Variants in DNAH7 observed in about 807,000 individuals in gnomAD.
The protein encoded by DNAH7 is axonemal beta dynein heavy chain 7.
Under a neutral mutation model 444.6 loss-of-function variants are expected in DNAH7, and 397 were observed. The observed-to-expected ratio is 0.89, with a 90% CI of 0.82 to 0.97. DNAH7 has a LOEUF of 0.97. Ranked by LOEUF, DNAH7 falls within the 50% of genes least tolerant of loss-of-function variation. DNAH7 has a pLI of 0.00. For missense variants in DNAH7, 4,902 were observed against 4,800.8 expected (o/e 1.02, Z -0.62); for synonymous variants, 1,636 against 1,624.4 (o/e 1.01, Z -0.17).
At position 195,942,754 on chromosome 2, in the gene DNAH7, T is replaced by C. The variant is rs368426749; in HGVS notation, c.3079-5962A>G. Among the ~76,000 whole-genome samples the C allele has an allele frequency of 1.1e-3, 160 of 152,222 alleles. 1 individual carries two copies. Among genetic ancestry groups the C allele is most frequent in the Middle Eastern group, 6.8e-3 (2 of 294 alleles). ...GATTACATGGTTAATTGGTGAGACA[T>C]GTCACTTCTATTTTTACTCTTTAAT... On this transcript the variant is annotated intron_variant, in intron 19 of 64. Transcript: ENST00000312428.
At chr2:196,028,920 C>A (rs1246060734) in intron 5 of DNAH7, among the ~76,000 whole-genome samples, 1 of 152,110 alleles carries the variant, frequency 6.6e-6, no homozygotes, top group Non-Finnish European at 1.5e-5. Flanking sequence ...TTTTGCAAAT[C>A]CAGGAATGCA....
At chr2:195,820,985 T>C (rs1291761237) in intron 49 of DNAH7, among the ~76,000 whole-genome samples, 1 of 152,196 alleles carries the variant, frequency 6.6e-6, no homozygotes, top group Non-Finnish European at 1.5e-5. Context: ...TAGAAAAAGA[T>C]GTTGTCTGCA....
chr2:195,867,036 G>C (rs753430307), intron 40 of DNAH7, among the ~76,000 whole-genome samples: 1 of 152,036 alleles, frequency 6.6e-6, no homozygotes, highest in Non-Finnish European at 1.5e-5. Context: ...ATGTGGAACT[G>C]TAAGTCCAAT....
chr2:195,994,663 C>T (rs995851661), intron 12 of DNAH7: 2 of 512,982 alleles, frequency 3.9e-6, no homozygotes, highest in African/African-American at 2.0e-5. Context: ...GAGTAAAGTG[C>T]TTCAAGTCTT....
intron 46 of DNAH7, among the ~76,000 whole-genome samples, chr2:195,847,319 G>C (rs1385037792): frequency 6.6e-6 from 1 of 151,560 alleles, no homozygotes. Context: ...CCATAAAAAA[G>C]AGTAAGATCA....
chr2:195,877,200 C>G (rs972020758), intron 36 of DNAH7, among the ~76,000 whole-genome samples: 1 of 152,166 alleles, frequency 6.6e-6, no homozygotes, highest in African/African-American at 2.4e-5. Context: ...ACAGGACATA[C>G]CAGAATTCCC....
Position 196,048,276 on chromosome 2 carries a change from T to C in DNAH7, c.250+20A>G. Reference sequence around the variant, plus strand: ...CTACAAATTATCCTTAAATCTAATTTAGAATATTGAAGTTCTTACCATGGG... The same window carrying C: ...CTACAAATTATCCTTAAATCTAATTCAGAATATTGAAGTTCTTACCATGGG... On this transcript the variant is annotated intron_variant, in intron 4 of 64. Transcript: ENST00000312428. 1 of 1,570,322 alleles carries C rather than the reference T, an allele frequency of 6.4e-7. No homozygotes were observed. Among genetic ancestry groups the C allele is most frequent in the Non-Finnish European group, 8.7e-7 (1 of 1,145,322 alleles).
At chr2:195,890,790 G>C (rs561869047) in intron 31 of DNAH7, among the ~76,000 whole-genome samples, 1 of 152,244 alleles carries the variant, frequency 6.6e-6, no homozygotes, top group South Asian at 2.1e-4. Context: ...GAGATTTCAC[G>C]TTTTATCCAT....
chr2:195,860,342 T>G (rs1262539035), intron 42 of DNAH7, among the ~76,000 whole-genome samples: 1 of 152,064 alleles, frequency 6.6e-6, no homozygotes, highest in Non-Finnish European at 1.5e-5. Flanking sequence ...TTGATCCTCC[T>G]GGATAAGAAA....
At chr2:195,861,234 G>A (rs866494027) in intron 42 of DNAH7, among the ~76,000 whole-genome samples, 1 of 151,874 alleles carries the variant, frequency 6.6e-6, no homozygotes, top group Non-Finnish European at 1.5e-5. Flanking sequence ...ATAAACTTCT[G>A]TGCACACACA....
At position 195,857,723 on chromosome 2, in the gene DNAH7, C is replaced by A. The variant is rs1699792225; in HGVS notation, c.8068G>T (p.Asp2690Tyr). The A allele has an allele frequency of 1.3e-5, 20 of 1,571,236 alleles. No individual in the cohort carries two copies. Among genetic ancestry groups the A allele is most frequent in the Non-Finnish European group, 1.7e-5 (20 of 1,161,788 alleles). ...LAALDTLTAQ[D>Y]ITVVKSMKSP... Reference sequence around the variant, plus strand: ...TTCATGGATTTTACCACTGTAATATCCTTGAAATAACAACGTTAATTATTT... The same window carrying A: ...TTCATGGATTTTACCACTGTAATATACTTGAAATAACAACGTTAATTATTT... Residue 2690 changes from aspartate (D) to tyrosine (Y), a missense_variant and splice_region_variant, in exon 44 of 65, where the codon GAT (aspartate) becomes TAT (tyrosine). Asp to Tyr is a radical substitution (Grantham distance 160). Transcript: ENST00000312428.
chr2:195,884,339 A>G (rs1701585777), intron 35 of DNAH7, among the ~76,000 whole-genome samples: 1 of 152,240 alleles, frequency 6.6e-6, no homozygotes, highest in Non-Finnish European at 1.5e-5. Context: ...ATTATCTCAT[A>G]GTATCATTGG....
At chr2:195,897,285 T>G (rs1441815930) in intron 29 of DNAH7, among the ~76,000 whole-genome samples, 2 of 152,172 alleles carry the variant, frequency 1.3e-5, no homozygotes, top group East Asian at 1.9e-4. Context: ...AGCATATTTA[T>G]CTATTTTATT....
At chr2:196,060,530 A>G (rs558459063) in intron 1 of DNAH7, among the ~76,000 whole-genome samples, 4 of 152,282 alleles carry the variant, frequency 2.6e-5, no homozygotes, top group African/African-American at 9.6e-5. Flanking sequence ...ACTAAAGGAC[A>G]TTGTTTTTGC....
chr2:195,816,845 T>G lies in DNAH7; in HGVS notation c.9544A>C (p.Ile3182Leu). Residue 3182 changes from isoleucine to leucine, a missense_variant, in exon 51 of 65, where the codon ATT (isoleucine) becomes CTT (leucine). Ile to Leu is a conservative substitution (Grantham distance 5, BLOSUM62 2). Transcript: ENST00000312428. ...TCGGCTACTTCCTGCTTCTGAGAAA[T>G]CTCATTAGCCAAGGCCTTGGAGGAA... Reference protein sequence around the residue: ...LSSSKALANEISQKQEVAEET... With the variant: ...LSSSKALANELSQKQEVAEET... 6.2e-7 allele frequency: 1 copy of G among 1,614,156 alleles called. No individual in the cohort carries two copies. Among genetic ancestry groups the G allele is most frequent in the Non-Finnish European group, 8.5e-7 (1 of 1,180,008 alleles).
At chr2:196,059,542 C>T (rs1698020570) in intron 1 of DNAH7, among the ~76,000 whole-genome samples, 1 of 152,176 alleles carries the variant, frequency 6.6e-6, no homozygotes. Flanking sequence ...GAGGAAGAGG[C>T]TTTCTTCCTG....
At chr2:195,976,608 G>T (rs1692197681) in intron 15 of DNAH7, among the ~76,000 whole-genome samples, 1 of 152,098 alleles carries the variant, frequency 6.6e-6, no homozygotes, top group Non-Finnish European at 1.5e-5. Context: ...GTTACCATGG[G>T]CCTTAAATGA....
At chr2:195,785,054 G>A (rs936638198) in intron 58 of DNAH7, among the ~76,000 whole-genome samples, 1 of 151,978 alleles carries the variant, frequency 6.6e-6, no homozygotes, top group African/African-American at 2.4e-5. Flanking sequence ...TGGGACTACA[G>A]GCTTCTGCCA....
intron 19 of DNAH7, among the ~76,000 whole-genome samples, chr2:195,937,535 CA>C (rs983515574): frequency 6.6e-6 from 1 of 151,932 alleles, no homozygotes; most frequent in Admixed American, 6.6e-5. Context: ...GAATTATAAC[CA>C]AAAGCTGATC....
Sources: allele counts gnomAD v4.1 joint callset (sites outside exome capture counted in the v4.1 genomes callset), GRCh38; gene constraint gnomAD v4.1.1; transcripts MANE v1.5; gene names NCBI Gene and HGNC (gene_info 2026-07-23, HGNC 2026-07-21).